Variants in DAPK1 observed in about 807,000 individuals in gnomAD.
The protein encoded by DAPK1 is death-associated protein kinase 1.
In DAPK1, 56 loss-of-function variants were observed where a neutral mutation model predicts 144.9. The observed-to-expected ratio is 0.39, with a 90% CI of 0.31 to 0.48. DAPK1 has a LOEUF of 0.48. Among genes scored for constraint, DAPK1 ranks in the 20% least tolerant of loss-of-function variants. DAPK1 has a pLI of 0.95. For synonymous variants in DAPK1, 690 were observed against 749.0 expected (o/e 0.92, Z 1.29); for missense variants, 1,454 against 1,875.4 (o/e 0.78, Z 4.15).
chr9:87,522,647 T>C (rs1431337123), intron 2 of DAPK1, among the ~76,000 whole-genome samples: 1 of 152,226 alleles, frequency 6.6e-6, no homozygotes, highest in Non-Finnish European at 1.5e-5. Context: ...TGTAGGTAAA[T>C]TCCTAGAAGT....
chr9:87,647,874 T>C (rs970201045), intron 14 of DAPK1, among the ~76,000 whole-genome samples: 11 of 152,274 alleles, frequency 7.2e-5, no homozygotes, highest in African/African-American at 2.4e-4. Context: ...AACGGTGTTA[T>C]AAAAGTTACT....
intron 2 of DAPK1, among the ~76,000 whole-genome samples, chr9:87,516,591 A>T (rs1348436688): frequency 6.6e-6 from 1 of 151,740 alleles, no homozygotes; most frequent in Non-Finnish European, 1.5e-5. Context: ...AATGTCAGGT[A>T]ACTCCTTGTT....
intron 2 of DAPK1, among the ~76,000 whole-genome samples, chr9:87,521,339 C>CTT (rs1405265994): frequency 2.0e-5 from 3 of 152,202 alleles, no homozygotes; most frequent in Non-Finnish European, 4.4e-5. Context: ...AAGGCAGGTG[C>CTT]TTGTCTGTCT....
chr9:87,659,815 TGCACACACCGCACCCGCAGTCACTCC>T lies in DAPK1; in HGVS notation c.1923+1699_1923+1724del, dbSNP rs796292330. On this transcript the variant is annotated intron_variant, in intron 18 of 25. Transcript: ENST00000408954. ...CATTCTGCAGCCCCCTCAGTCACTCTGCACACACCGCACCCGCAGTCACTCCGCACACACCGGGGGCACAGTGAGAG... is the reference window on the plus strand; with the variant it reads ...CATTCTGCAGCCCCCTCAGTCACTCTGCACACACCGGGGGCACAGTGAGAG... 4.3e-3 allele frequency among the ~76,000 whole-genome samples: 632 copies of T among 148,664 alleles called. 7 individuals carry two copies. Among genetic ancestry groups the T allele is most frequent in the African/African-American group, 0.016 (593 of 38,224 alleles).
intron 2 of DAPK1, among the ~76,000 whole-genome samples, chr9:87,593,602 C>T (rs1026550526): frequency 1.1e-4 from 16 of 152,336 alleles, no homozygotes; most frequent in East Asian, 5.8e-4. Flanking sequence ...TTCCCTTTAG[C>T]TGGTTCTTCC....
intron 17 of DAPK1, among the ~76,000 whole-genome samples, chr9:87,652,865 G>A (rs61606544): frequency 0.069 from 9,236 of 133,538 alleles, 1,410 homozygotes; most frequent in African/African-American, 0.29. Flanking sequence ...CCATCCCCCC[G>A]ATCCCGGGTC....
In DAPK1 at chr9:87,660,135, G is replaced by A. The variant is rs185608525; in HGVS notation, c.1923+2008G>A. 1.6e-3 allele frequency among the ~76,000 whole-genome samples: 241 copies of A among 152,244 alleles called. 2 individuals are homozygous for A. Among genetic ancestry groups the A allele is most frequent in the African/African-American group, 5.4e-3 (225 of 41,556 alleles). ...GCCCTGTTCAGGACCGGAGCTCAGC[G>A]GCCTCCAGTGCCCTCCTGCGGTGGG... On this transcript the variant is annotated intron_variant, in intron 18 of 25. Transcript: ENST00000408954.
intron 3 of DAPK1, among the ~76,000 whole-genome samples, chr9:87,631,611 CT>C (rs1829694490): frequency 6.6e-6 from 1 of 152,226 alleles, no homozygotes; most frequent in African/African-American, 2.4e-5. Flanking sequence ...GCTGCACAGA[CT>C]GCTCATCTCT....
intron 2 of DAPK1, among the ~76,000 whole-genome samples, chr9:87,529,680 T>C (rs973438518): frequency 2.6e-5 from 4 of 152,168 alleles, no homozygotes; most frequent in Non-Finnish European, 4.4e-5. Flanking sequence ...TAACAGTACG[T>C]GGAATGCAGT....
chr9:87,620,954 G>A (rs995436647), intron 3 of DAPK1, among the ~76,000 whole-genome samples: 6 of 152,128 alleles, frequency 3.9e-5, no homozygotes, highest in African/African-American at 1.4e-4. Flanking sequence ...CTGGGCTGAA[G>A]CCATTAAAGC....
chr9:87,554,883 A>C (rs1440173962), intron 2 of DAPK1, among the ~76,000 whole-genome samples: 1 of 152,210 alleles, frequency 6.6e-6, no homozygotes, highest in Non-Finnish European at 1.5e-5. Context: ...GAGGTCATTA[A>C]AGGGAAGCCC....
intron 2 of DAPK1, among the ~76,000 whole-genome samples, chr9:87,571,476 A>ACACCCCCACACACAC (rs771023885): frequency 2.1e-5 from 1 of 48,548 alleles, no homozygotes; most frequent in Non-Finnish European, 3.7e-5. Context: ...CACACACACC[A>ACACCCCCACACACAC]ACACACACAC....
At chr9:87,627,622 C>G (rs1446516238) in intron 3 of DAPK1, among the ~76,000 whole-genome samples, 5 of 152,152 alleles carry the variant, frequency 3.3e-5, no homozygotes, top group Non-Finnish European at 7.4e-5. Context: ...TCCAGCTTAC[C>G]TGTTTCCTGT....
Position 87,642,077 on chromosome 9 carries a change from G to A in DAPK1, c.918+19G>A. 1 of 1,605,180 alleles carries A rather than the reference G, an allele frequency of 6.2e-7. No individual in the cohort carries two copies. Among genetic ancestry groups the A allele is most frequent in the Non-Finnish European group, 8.5e-7 (1 of 1,172,114 alleles). Reference sequence around the variant, plus strand: ...ATGGAAAGTAAGATTGTTTGTTGTGGAGGGATTAACAAATTCTGTTTCCTG... The same window carrying A: ...ATGGAAAGTAAGATTGTTTGTTGTGAAGGGATTAACAAATTCTGTTTCCTG... On this transcript the variant is annotated intron_variant, in intron 10 of 25. Coordinates refer to ENST00000408954, the MANE Select transcript of DAPK1 (RefSeq NM_004938.4).
chr9:87,682,853 C>T (rs1470916248), intron 20 of DAPK1, among the ~76,000 whole-genome samples: 1 of 152,116 alleles, frequency 6.6e-6, no homozygotes, highest in African/African-American at 2.4e-5. Flanking sequence ...GTGGCAAATC[C>T]CAGAACATCT....
intron 20 of DAPK1, among the ~76,000 whole-genome samples, chr9:87,684,840 G>C (rs1824781631): frequency 6.6e-6 from 1 of 152,170 alleles, no homozygotes; most frequent in Non-Finnish European, 1.5e-5. Flanking sequence ...TGAAATTATT[G>C]TTTTCATAAC....
chr9:87,561,293 A>G (rs999052186), intron 2 of DAPK1, among the ~76,000 whole-genome samples: 10 of 152,174 alleles, frequency 6.6e-5, no homozygotes, highest in Admixed American at 1.3e-4. Flanking sequence ...TTGGGAGGCC[A>G]AGGCGGGCGG....
intron 18 of DAPK1, among the ~76,000 whole-genome samples, chr9:87,666,627 C>G (rs958792740): frequency 6.6e-6 from 1 of 151,974 alleles, no homozygotes; most frequent in African/African-American, 2.4e-5. Context: ...GCATGCACCA[C>G]CACACCTGGC....
At chr9:87,628,155 C>G (rs1829548944) in intron 3 of DAPK1, among the ~76,000 whole-genome samples, 1 of 152,186 alleles carries the variant, frequency 6.6e-6, no homozygotes, top group African/African-American at 2.4e-5. Context: ...GATCCCCTCC[C>G]CCATGAGCTT....
Sources: allele counts gnomAD v4.1 joint callset (sites outside exome capture counted in the v4.1 genomes callset), GRCh38; gene constraint gnomAD v4.1.1; transcripts MANE v1.5; gene names NCBI Gene and HGNC (gene_info 2026-07-23, HGNC 2026-07-21).